Variants in RFNG observed in about 807,000 individuals in gnomAD.
RFNG encodes RFNG O-fucosylpeptide 3-beta-N-acetylglucosaminyltransferase, also known as beta-1,3-N-acetylglucosaminyltransferase radical fringe.
In RFNG, 37 loss-of-function variants were observed where a neutral mutation model predicts 29.6. The observed-to-expected ratio is 1.25, with a 90% CI of 0.96 to 1.65. The LOEUF (loss-of-function observed/expected upper bound fraction) is 1.65. Ranked by LOEUF, RFNG falls within the 40% of genes most tolerant of loss-of-function variation. The probability of loss-of-function intolerance (pLI) is 0.00; values close to 1 mark genes in which losing one functional copy is unlikely to be tolerated. For synonymous variants in RFNG, 276 were observed against 197.3 expected (o/e 1.40, Z -3.34); for missense variants, 546 against 457.0 (o/e 1.19, Z -1.78).
Position 82,051,234 on chromosome 17 carries a change from C to T in RFNG, c.316+60G>A, listed in dbSNP as rs1158795203. The T allele has an allele frequency of 1.2e-5, 16 of 1,318,042 alleles. No homozygotes were observed. The African/African-American group carries it at 1.8e-4, about 15-fold the overall frequency. 81.6% of individuals were successfully genotyped at this position (1,318,042 alleles called of 1,614,324 possible). A position where few individuals can be genotyped will look rare whatever the true frequency, so the allele number is the denominator to read the frequency against. On this transcript the variant is annotated intron_variant, in intron 2 of 7. Coordinates refer to ENST00000310496, the MANE Select transcript of RFNG (RefSeq NM_002917.2). This position sits in a 1 kb window ranked among gnomAD's most constrained non-coding sequence, Gnocchi z 4.1. ...CACAGCAGCGAAGGGGCCGTGGCTT[C>T]GGAGCGAGAAAGGCTCGGGGGGCAG...
At position 82,048,369 on chromosome 17, in the gene RFNG, G is replaced by A; in HGVS notation, c.*357C>T. ...GAGCCTGCTCCTTGACACCCAGCCA[G>A]CCTAGCACCCGCCTTCAGCAACAGG... On this transcript the variant is annotated 3_prime_UTR_variant, in exon 8 of 8. Transcript: ENST00000310496. 1 of 310,290 alleles carries A rather than the reference G, an allele frequency of 3.2e-6. No individual in the cohort carries two copies. Among genetic ancestry groups the A allele is most frequent in the African/African-American group, 2.2e-5 (1 of 46,238 alleles). 19.2% of individuals were successfully genotyped at this position (310,290 alleles called of 1,614,324 possible). A position where few individuals can be genotyped will look rare whatever the true frequency, so the allele number is the denominator to read the frequency against.
Position 82,048,560 on chromosome 17 carries a change from C to G in RFNG, c.*166G>C, listed in dbSNP as rs2030065603. 4 of 637,582 alleles carry G rather than the reference C, an allele frequency of 6.3e-6. No homozygotes were observed. The highest frequency in any genetic ancestry group is 1.1e-5 in the Non-Finnish European group (4 of 358,502). 39.5% of individuals were successfully genotyped at this position (637,582 alleles called of 1,614,324 possible). A position where few individuals can be genotyped will look rare whatever the true frequency, so the allele number is the denominator to read the frequency against. ...CAAAACACCCATCACCGCAGCCCAC[C>G]AGGGGCTGGGAGAGGGGGGGCTGCA... On this transcript the variant is annotated 3_prime_UTR_variant, in exon 8 of 8. Transcript: ENST00000310496.
chr17:82,051,033 C>T lies in RFNG; in HGVS notation c.316+261G>A, dbSNP rs2030470121. On this transcript the variant is annotated intron_variant, in intron 2 of 7. Transcript: ENST00000310496. The surrounding 1 kb of genome is among the most constrained non-coding windows in gnomAD (Gnocchi z 4.1). ...TGACCTGGCCTGGAAGGGCGGATTC[C>T]CTGCTGGCGCTTCTTCAGGGGACGT... The T allele has an allele frequency of 3.6e-6, 5 of 1,391,850 alleles. No individual in the cohort carries two copies. The highest frequency in any genetic ancestry group is 2.7e-4 in the Middle Eastern group (1 of 3,764). 86.2% of individuals were successfully genotyped at this position (1,391,850 alleles called of 1,614,324 possible).
In RFNG at chr17:82,051,540, C is replaced by A; in HGVS notation, c.227G>T (p.Arg76Leu). ...TTRKNHGPRL[R>L]LLLRTWISRA... is the part of the protein sequence containing the mutation. ...GGAGATCCAGGTGCGCAGCAGCAGC[C>A]GCAGGCGCGGCCCGTGGTTCTTCCG... The change falls in exon 1 of 8, where the codon CGG becomes CTG. Residue 76 changes from arginine (R) to leucine (L), a missense_variant. By Grantham distance (102) the Arg-to-Leu change is moderately radical. Transcript: ENST00000310496. This position sits in a 1 kb window ranked among gnomAD's most constrained non-coding sequence, Gnocchi z 4.1. 1 of 1,400,040 alleles carries A rather than the reference C, an allele frequency of 7.1e-7. No homozygotes were observed. The highest frequency in any genetic ancestry group is 9.3e-7 in the Non-Finnish European group (1 of 1,072,562). The allele number at this position is 1,400,040 out of a possible 1,614,324, so 86.7% of individuals were successfully genotyped here.
chr17:82,049,050 G>C lies in RFNG; in HGVS notation c.895C>G (p.Leu299Val), dbSNP rs1418062884. Reference sequence around the variant, plus strand: ...ACTCACCGTGTGGGGTCTTGATGCAGGCTGAAGCCTCCAGCCACGTTCACC... The same window carrying C: ...ACTCACCGTGTGGGGTCTTGATGCACGCTGAAGCCTCCAGCCACGTTCACC... ...NVVNVAGGFS[L>V]HQDPTRFKSI... The change falls in exon 7 of 8, where the codon CTG becomes GTG. Residue 299 changes from leucine (L) to valine (V), a missense_variant. By Grantham distance (32) the Leu-to-Val change is conservative. Coordinates refer to ENST00000310496, the MANE Select transcript of RFNG (RefSeq NM_002917.2). The C allele has an allele frequency of 4.3e-6, 7 of 1,613,468 alleles. No individual in the cohort carries two copies. Among genetic ancestry groups the C allele is most frequent in the Non-Finnish European group, 5.9e-6 (7 of 1,179,880 alleles).
chr17:82,050,484 G>A lies in RFNG; in HGVS notation c.491C>T (p.Ser164Leu). The A allele has an allele frequency of 1.2e-6, 2 of 1,613,006 alleles. No homozygotes were observed. The highest frequency in any genetic ancestry group is 1.7e-6 in the Non-Finnish European group (2 of 1,179,902). The change falls in exon 4 of 8, where the codon TCA becomes TTA. Residue 164 changes from serine (S) to leucine (L), a missense_variant. By Grantham distance (145) the Ser-to-Leu change is moderately radical (BLOSUM62 -2). Coordinates refer to ENST00000310496, the MANE Select transcript of RFNG (RefSeq NM_002917.2). ...RSLLHLLSSF[S>L]PSQDVYLGRP... The stretch of plus-strand genomic sequence containing the variant: ...CCCCAGGTAGACGTCCTGGCTGGGT[G>A]AGAAGCTGGAGAGCAGGTGCAGGAG...
Position 82,050,006 on chromosome 17 carries a change from C to T in RFNG, c.574G>A (p.Val192Met), listed in dbSNP as rs778468309. The T allele has an allele frequency of 1.2e-6, 2 of 1,608,568 alleles. No individual in the cohort carries two copies. The highest frequency in any genetic ancestry group is 1.7e-6 in the Non-Finnish European group (2 of 1,177,626). ...GCAAACCAGAACTTGACCGTGGTCA[C>T]CTGAAGATGGGGTGGTGGTCAGAGC... The part of the protein sequence containing the change: ...ATERVQGGRT[V>M]TTVKFWFATG... The change falls in exon 5 of 8, where the codon GTG (valine) becomes ATG (methionine). Residue 192 changes from valine to methionine, a missense_variant and splice_region_variant. By Grantham distance (21) the Val-to-Met change is conservative. Transcript: ENST00000310496.
At position 82,051,709 on chromosome 17, in the gene RFNG, CCAGGGCCGCGGCCAGCGCGAGG is replaced by C; in HGVS notation, c.36_57del (p.Cys12TrpfsTer133). On this transcript the variant is annotated frameshift_variant, in exon 1 of 8. Transcript: ENST00000310496. LOFTEE classifies it high-confidence loss of function. This position sits in a 1 kb window ranked among gnomAD's most constrained non-coding sequence, Gnocchi z 4.1. ...GGCAGCGGCAGTAACAGCAGCGCGG[CCAGGGCCGCGGCCAGCGCGAGG>C]CAGGCCCGGCACAGCGCCCCACGCG... The C allele has an allele frequency of 1.9e-6, 2 of 1,030,082 alleles. No homozygotes were observed. The highest frequency in any genetic ancestry group is 1.7e-5 in the African/African-American group (1 of 57,698). 63.8% of individuals were successfully genotyped at this position (1,030,082 alleles called of 1,614,324 possible). A position where few individuals can be genotyped will look rare whatever the true frequency, so the allele number is the denominator to read the frequency against.
rs2030072919 is a variant in RFNG at position 82,048,708 on chromosome 17, G to A, written c.*18C>T. 1.9e-6 allele frequency: 3 copies of A among 1,607,156 alleles called. No individual in the cohort carries two copies. Among genetic ancestry groups the A allele is most frequent in the South Asian group, 1.1e-5 (1 of 91,008 alleles). On this transcript the variant is annotated 3_prime_UTR_variant, in exon 8 of 8. Coordinates refer to ENST00000310496, the MANE Select transcript of RFNG (RefSeq NM_002917.2). ...GCCTGGGACAGAGCCAGGCAGCCCT[G>A]GGTCGGGGTGGTTGGTGTCACCGAG...
chr17:82,049,815 C>G lies in RFNG; in HGVS notation c.690G>C (p.Glu230Asp). ...TGCAGTCATCCGGCAGCCGCACCTG[C>G]TCAGCTGTGCTCATGAAGCTGCCCA... Reference protein sequence around the residue: ...ASLGSFMSTAEQVRLPDDCTV... With the variant: ...ASLGSFMSTADQVRLPDDCTV... The change falls in exon 6 of 8, where the codon GAG becomes GAC. Residue 230 changes from glutamate (E) to aspartate (D), a missense_variant. Transcript: ENST00000310496. 1 of 1,576,372 alleles carries G rather than the reference C, an allele frequency of 6.3e-7. No individual in the cohort carries two copies. Among genetic ancestry groups the G allele is most frequent in the Non-Finnish European group, 8.6e-7 (1 of 1,163,814 alleles).
chr17:82,049,585 AGCCGGG>A (rs2030140710), intron 6 of RFNG, 86 bp downstream of exon 6: 1 of 1,406,598 alleles, frequency 7.1e-7, no homozygotes, highest in Middle Eastern at 1.8e-4. Flanking sequence ...CTGCCTGCTC[AGCCGGG>A]CATCGGGCCG....
Position 82,048,447 on chromosome 17 carries a change from A to G in RFNG, c.*279T>C. On this transcript the variant is annotated 3_prime_UTR_variant, in exon 8 of 8. Transcript: ENST00000310496. ...CCAGGTGCGCAAGTGCTGGGGTGGA[A>G]GCCTGTTCCCGTGGGATCAACCTTG... The G allele has an allele frequency of 4.1e-6, 2 of 485,076 alleles. No homozygotes were observed. The highest frequency in any genetic ancestry group is 7.6e-6 in the Non-Finnish European group (2 of 264,010). 30.0% of individuals were successfully genotyped at this position (485,076 alleles called of 1,614,324 possible). A position where few individuals can be genotyped will look rare whatever the true frequency, so the allele number is the denominator to read the frequency against.
chr17:82,049,214 C>A (rs757949100), intron 6 of RFNG, 98 bp from the exon 7 acceptor site: 3 of 947,312 alleles, frequency 3.2e-6, no homozygotes, highest in Non-Finnish European at 5.0e-6. Context: ...TTTGCCCACC[C>A]CCTCTCCCCA....
chr17:82,050,481 G>T lies in RFNG; in HGVS notation c.494C>A (p.Pro165His). The T allele has an allele frequency of 6.2e-7, 1 of 1,612,984 alleles. No individual in the cohort carries two copies. The highest frequency in any genetic ancestry group is 8.5e-7 in the Non-Finnish European group (1 of 1,179,898). The change falls in exon 4 of 8, where the codon CCC becomes CAC. Residue 165 changes from proline (P) to histidine (H), a missense_variant. By Grantham distance (77) the Pro-to-His change is moderately conservative. Coordinates refer to ENST00000310496, the MANE Select transcript of RFNG (RefSeq NM_002917.2). ...CCGCCCCAGGTAGACGTCCTGGCTGGGTGAGAAGCTGGAGAGCAGGTGCAG... is the reference window on the plus strand; with the variant it reads ...CCGCCCCAGGTAGACGTCCTGGCTGTGTGAGAAGCTGGAGAGCAGGTGCAG... ...SLLHLLSSFS[P>H]SQDVYLGRPS...
In RFNG at chr17:82,049,759, C is replaced by T. The variant is rs761303825; in HGVS notation, c.746G>A (p.Gly249Asp). ...GAGGGGGCTGTGCAGCAGGCGGGCGCCCAGGAGCCCCTCCACGATGTAGCC... is the reference window on the plus strand; with the variant it reads ...GAGGGGGCTGTGCAGCAGGCGGGCGTCCAGGAGCCCCTCCACGATGTAGCC... ...TVGYIVEGLL[G>D]ARLLHSPLFH... is the part of the protein sequence containing the mutation. Residue 249 changes from glycine to aspartate, a missense_variant, in exon 6 of 8, where the codon GGC becomes GAC. Transcript: ENST00000310496. 2 of 1,522,956 alleles carry T rather than the reference C, an allele frequency of 1.3e-6. No individual in the cohort carries two copies. The highest frequency in any genetic ancestry group is 8.8e-7 in the Non-Finnish European group (1 of 1,138,618). The allele number at this position is 1,522,956 out of a possible 1,614,324, so 94.3% of individuals were successfully genotyped here. A position where few individuals can be genotyped will look rare whatever the true frequency, so the allele number is the denominator to read the frequency against.
Position 82,048,600 on chromosome 17 carries a change from T to C in RFNG, c.*126A>G, listed in dbSNP as rs1384704132. On this transcript the variant is annotated 3_prime_UTR_variant, in exon 8 of 8. Transcript: ENST00000310496. ...GGGGGGCTGCAGGCTAGCCAGAGGG[T>C]CTGCCAGGTGCCTGCATCTCACTGG... 5.3e-6 allele frequency: 4 copies of C among 749,592 alleles called. No homozygotes were observed. Among genetic ancestry groups the C allele is most frequent in the Non-Finnish European group, 7.0e-6 (3 of 430,162 alleles). 46.4% of individuals were successfully genotyped at this position (749,592 alleles called of 1,614,324 possible). A position where few individuals can be genotyped will look rare whatever the true frequency, so the allele number is the denominator to read the frequency against.
chr17:82,049,097 C>A lies in RFNG; in HGVS notation c.848G>T (p.Gly283Val). The A allele has an allele frequency of 1.9e-6, 3 of 1,613,150 alleles. No homozygotes were observed. Among genetic ancestry groups the A allele is most frequent in the South Asian group, 1.1e-5 (1 of 91,078 alleles). ...CACCACGTTATGTGGGTTCTCAGGACCCCCATGGCTCAAGGTAACCTGGGA... is the reference window on the plus strand; with the variant it reads ...CACCACGTTATGTGGGTTCTCAGGAACCCCATGGCTCAAGGTAACCTGGGA... ...LLQQVTLSHGGPENPHNVVNV... is the reference protein window; with the variant it reads ...LLQQVTLSHGVPENPHNVVNV... The change falls in exon 7 of 8, where the codon GGT (glycine) becomes GTT (valine). Residue 283 changes from glycine (G) to valine (V), a missense_variant. Gly to Val is a moderately radical substitution (Grantham distance 109). Transcript: ENST00000310496.
At chr17:82,050,138 G>A (rs1299371042) in intron 4 of RFNG, 132 bp from the exon 5 acceptor site, 4 of 908,606 alleles carry the variant, frequency 4.4e-6, no homozygotes. Flanking sequence ...GCTTCTTGGA[G>A]CAAAAAGAGC....
Position 82,051,779 on chromosome 17 carries a change from AC to A in RFNG, c.-14del, listed in dbSNP as rs1461573659. 9 of 1,109,680 alleles carry A rather than the reference AC, an allele frequency of 8.1e-6. No homozygotes were observed. The highest frequency in any genetic ancestry group is 9.9e-5 in the East Asian group (2 of 20,104). 68.7% of individuals were successfully genotyped at this position (1,109,680 alleles called of 1,614,324 possible). On this transcript the variant is annotated 5_prime_UTR_variant, in exon 1 of 8. Transcript: ENST00000310496. The surrounding 1 kb of genome is among the most constrained non-coding windows in gnomAD (Gnocchi z 4.1). ...GCGCGCGGCTCATGCGGCCGCCGGGACCCCCGGCGCTGCGAGCGGAGAACCT... is the reference window on the plus strand; with the variant it reads ...GCGCGCGGCTCATGCGGCCGCCGGGACCCCGGCGCTGCGAGCGGAGAACCT...
Sources: gnomAD v4.1 joint callset for allele counts on GRCh38, gnomAD v4.1.1 for gene constraint, Gnocchi (gnomAD v3.1) non-coding constraint, MANE v1.5 for transcripts, NCBI Gene and HGNC (gene_info 2026-07-23, HGNC 2026-07-21) for gene names.